AP2A1: variants seen among roughly 807,000 people sequenced by gnomAD.
AP2A1 encodes AP-2 complex subunit alpha-1.
A neutral mutation model predicts 107.3 loss-of-function variants in AP2A1; 21 were observed. The observed-to-expected ratio is 0.20, with a 90% CI of 0.14 to 0.28. The LOEUF (loss-of-function observed/expected upper bound fraction) is 0.28. AP2A1 is among the 10% of genes least tolerant of loss of function. AP2A1 has a pLI of 1.00. For synonymous variants in AP2A1, 602 were observed against 564.8 expected, an observed-to-expected ratio of 1.07 and a Z score of -0.93; for missense variants, 873 against 1,307.7, an observed-to-expected ratio of 0.67 and a Z score of 5.13.
chr19:49,777,977 C>A (rs951549931), intron 1 of AP2A1, among the ~76,000 whole-genome samples: 1 of 151,760 alleles, frequency 6.6e-6, no homozygotes, highest in Non-Finnish European at 1.5e-5. Context: ...ATATGTATTT[C>A]TTTAAATGAA....
intron 18 of AP2A1, chr19:49,803,728 G>C: frequency 2.7e-6 from 1 of 377,102 alleles, no homozygotes; most frequent in Non-Finnish European, 5.1e-6. Context: ...GGGTCCAGAC[G>C]CTGATCAGGC....
Position 49,807,037 on chromosome 19 carries a change from C to CCCGGTT in AP2A1, c.*279_*280insCCGGTT. On this transcript the variant is annotated 3_prime_UTR_variant, in exon 23 of 23. Coordinates refer to ENST00000354293, the MANE Select transcript of AP2A1 (RefSeq NM_130787.3). ...ATGTCTCCTCCCCTCCCACCCCACC[C>CCCGGTT]TGTTGTAGCCCCTCCTACCCCCTCC... The CCCGGTT allele has an allele frequency of 6.5e-7, 1 of 1,529,558 alleles. No homozygotes were observed. The highest frequency in any genetic ancestry group is 8.8e-7 in the Non-Finnish European group (1 of 1,140,480). 94.7% of individuals were successfully genotyped at this position (1,529,558 alleles called of 1,614,324 possible). A position where few individuals can be genotyped will look rare whatever the true frequency, so the allele number is the denominator to read the frequency against.
At chr19:49,797,831 A>G (rs542321231) in intron 7 of AP2A1, among the ~76,000 whole-genome samples, 1 of 151,282 alleles carries the variant, frequency 6.6e-6, no homozygotes, top group East Asian at 2.0e-4. Flanking sequence ...CTGTCATCCC[A>G]GCACTTTGGG....
chr19:49,797,377 T>C (rs747371422), intron 7 of AP2A1: 2 of 152,262 alleles, frequency 1.3e-5, no homozygotes, highest in Non-Finnish European at 1.5e-5. Flanking sequence ...TTGTTTATTT[T>C]CTTCTGAAAT....
chr19:49,774,808 A>ACCTAGTCCTGC lies in AP2A1; in HGVS notation c.68-6948_68-6947insCTAGTCCTGCC, dbSNP rs1232446163. Among the ~76,000 whole-genome samples the ACCTAGTCCTGC allele has an allele frequency of 2.0e-5, 3 of 151,716 alleles. No homozygotes were observed. In the East Asian group the frequency reaches 5.8e-4, roughly 29 times the overall value. ...TCGTGGCACACCTGTAGTCCTAGCC[A>ACCTAGTCCTGC]CTCGGGAGGCTGAGGCAGGAGAATC... On this transcript the variant is annotated intron_variant, in intron 1 of 22. Transcript: ENST00000354293.
At chr19:49,775,325 G>A (rs962561345) in intron 1 of AP2A1, among the ~76,000 whole-genome samples, 12 of 152,068 alleles carry the variant, frequency 7.9e-5, no homozygotes, top group Non-Finnish European at 1.3e-4. Context: ...TGTGTAACCA[G>A]TGTTTTTTGA....
In AP2A1 at chr19:49,806,675, A is replaced by T. The variant is rs764304853; in HGVS notation, c.2791-6A>T. ...TCTGAGTTCTGCCCCCAATGCCCCCACCCAGATGTACCGGCTGACCCTGCG... is the reference window on the plus strand; with the variant it reads ...TCTGAGTTCTGCCCCCAATGCCCCCTCCCAGATGTACCGGCTGACCCTGCG... On this transcript the variant is annotated splice_polypyrimidine_tract_variant and splice_region_variant and intron_variant, in intron 22 of 22. Coordinates refer to ENST00000354293, the MANE Select transcript of AP2A1 (RefSeq NM_130787.3). 7 of 1,611,112 alleles carry T rather than the reference A, an allele frequency of 4.3e-6. No homozygotes were observed. The African/African-American group carries it at 8.1e-5, about 19-fold the overall frequency.
intron 15 of AP2A1, chr19:49,802,525 A>G (rs1452142029): frequency 6.2e-7 from 1 of 1,604,464 alleles, no homozygotes; most frequent in Admixed American, 1.7e-5. Context: ...CTGGGATTGG[A>G]TGGCTCAGCG....
chr19:49,769,298 C>T (rs1272429675), intron 1 of AP2A1, among the ~76,000 whole-genome samples: 1 of 152,120 alleles, frequency 6.6e-6, no homozygotes, highest in Admixed American at 6.6e-5. Context: ...TGGGAGCTCC[C>T]TTCCCCGAGG....
intron 18 of AP2A1, chr19:49,804,364 ACC>A (rs1352424762): frequency 6.6e-6 from 1 of 151,966 alleles, no homozygotes; most frequent in Non-Finnish European, 1.5e-5. Context: ...ACATGGTGAA[ACC>A]CCTTCTCTAC....
At chr19:49,770,273 G>C (rs948442319) in intron 1 of AP2A1, among the ~76,000 whole-genome samples, 1 of 152,152 alleles carries the variant, frequency 6.6e-6, no homozygotes. Flanking sequence ...CCCCAGAGAC[G>C]AGCCAGAGGA....
chr19:49,803,220 G>A (rs1254134339), intron 17 of AP2A1, 31 bp downstream of exon 17: 17 of 1,613,532 alleles, frequency 1.1e-5, no homozygotes, highest in Admixed American at 3.3e-5. Flanking sequence ...GGAATGGGTC[G>A]GAGGGAGACC....
chr19:49,769,507 T>C (rs1434135079), intron 1 of AP2A1, among the ~76,000 whole-genome samples: 2 of 151,624 alleles, frequency 1.3e-5, no homozygotes, highest in African/African-American at 4.9e-5. Context: ...CACAGGGAGG[T>C]GCATTCAGAG....
intron 1 of AP2A1, among the ~76,000 whole-genome samples, chr19:49,779,485 T>TAAAA (rs1378325099): frequency 6.7e-5 from 1 of 14,920 alleles, no homozygotes; most frequent in African/African-American, 2.8e-4. Flanking sequence ...CAGCCTGGGC[T>TAAAA]ACAAAAAAAA....
chr19:49,792,907 C>G (rs1356157913), intron 5 of AP2A1, 84 bp from the exon 6 acceptor site: 3 of 1,212,310 alleles, frequency 2.5e-6, no homozygotes, highest in Non-Finnish European at 3.5e-6. Context: ...GCACACACAT[C>G]CCGACCCTGT....
chr19:49,795,591 A>ACCTTTTTTTTTCTCTT, intron 6 of AP2A1, 39 bp from the exon 7 acceptor site: 1 of 295,772 alleles, frequency 3.4e-6, no homozygotes, highest in Non-Finnish European at 6.4e-6. Flanking sequence ...TGCCCCTCCC[A>ACCTTTTTTTTTCTCTT]CCCCAGCCCC....
intron 14 of AP2A1, 42 bp from the exon 15 acceptor site, chr19:49,801,939 C>A: frequency 6.9e-7 from 1 of 1,457,722 alleles, no homozygotes; most frequent in Non-Finnish European, 9.0e-7. Flanking sequence ...CTGGGTCCTG[C>A]CGGGCGCCGC....
At position 49,807,109 on chromosome 19, in the gene AP2A1, C is replaced by T; in HGVS notation, c.*351C>T. On this transcript the variant is annotated 3_prime_UTR_variant, in exon 23 of 23. Transcript: ENST00000354293. Reference sequence around the variant, plus strand: ...TTGTGAGCGAATAAACAGAGAGACGCTAACAGCCCCATGTCTGTGTCCATC... The same window carrying T: ...TTGTGAGCGAATAAACAGAGAGACGTTAACAGCCCCATGTCTGTGTCCATC... 6.2e-7 allele frequency: 1 copy of T among 1,610,196 alleles called. No individual in the cohort carries two copies. Among genetic ancestry groups the T allele is most frequent in the East Asian group, 2.2e-5 (1 of 44,714 alleles).
Position 49,805,750 on chromosome 19 carries a change from T to C in AP2A1, c.2558T>C (p.Phe853Ser). 6.3e-7 allele frequency: 1 copy of C among 1,579,988 alleles called. No homozygotes were observed. The highest frequency in any genetic ancestry group is 8.6e-7 in the Non-Finnish European group (1 of 1,164,044). Reference protein sequence around the residue: ...FQPTEMAAQDFFQRWKQLSLP... With the variant: ...FQPTEMAAQDSFQRWKQLSLP... Reference sequence around the variant, plus strand: ...CCCACCGAGATGGCGGCCCAGGATTTCTTCCAGCGCTGGAAGCAGCTGAGC... The same window carrying C: ...CCCACCGAGATGGCGGCCCAGGATTCCTTCCAGCGCTGGAAGCAGCTGAGC... The change falls in exon 20 of 23, where the codon TTC becomes TCC. Residue 853 changes from phenylalanine (F) to serine (S), a missense_variant. Transcript: ENST00000354293.
Sources: allele counts gnomAD v4.1 joint callset (sites outside exome capture counted in the v4.1 genomes callset), GRCh38; gene constraint gnomAD v4.1.1; transcripts MANE v1.5; gene names NCBI Gene and HGNC (gene_info 2026-07-23, HGNC 2026-07-21).